The following TRAF3 variants were observed in gnomAD, a reference collection of about 807,000 sequenced individuals.
The protein encoded by TRAF3 is TNF receptor-associated factor 3.
In TRAF3, 13 loss-of-function variants were observed where a neutral mutation model predicts 62.3. The ratio of observed to expected loss-of-function variants is 0.21; its 90% CI spans 0.14 to 0.33. TRAF3 has a LOEUF of 0.33. TRAF3 is among the 10% of genes least tolerant of loss of function. The probability of loss-of-function intolerance (pLI) is 1.00; values close to 1 mark genes in which losing one functional copy is unlikely to be tolerated. For synonymous variants in TRAF3, 269 were observed against 283.4 expected (o/e 0.95, Z 0.51); for missense variants, 440 against 741.8 (o/e 0.59, Z 4.73).
intron 1 of TRAF3, among the ~76,000 whole-genome samples, chr14:102,794,644 G>T (rs1022405023): frequency 6.6e-6 from 1 of 152,128 alleles, no homozygotes; most frequent in African/African-American, 2.4e-5. Context: ...TCCTTGATCT[G>T]GTATACGCAT....
intron 9 of TRAF3, among the ~76,000 whole-genome samples, chr14:102,896,881 T>G (rs1221755770): frequency 6.6e-6 from 1 of 152,120 alleles, no homozygotes; most frequent in African/African-American, 2.4e-5. Context: ...CTGGGCAACA[T>G]AGCAAGACCC....
In TRAF3 at chr14:102,905,797, G is replaced by A. The variant is rs556439821; in HGVS notation, c.*13G>A. The A allele has an allele frequency of 2.6e-4, 421 of 1,611,178 alleles. 4 individuals carry two copies. In the South Asian group the frequency reaches 4.5e-3, roughly 17 times the overall value. ...GCCCGATCCCTGATAAGTAGCTGGG[G>A]AGGTGGATTTAGCAGAAGGCAACTC... On this transcript the variant is annotated 3_prime_UTR_variant, in exon 12 of 12. Transcript: ENST00000392745.
At chr14:102,779,595 A>G (rs1313086831) in intron 1 of TRAF3, among the ~76,000 whole-genome samples, 1 of 152,150 alleles carries the variant, frequency 6.6e-6, no homozygotes, top group Non-Finnish European at 1.5e-5. Flanking sequence ...TCACTGTGCA[A>G]CTCAAGAAGG....
chr14:102,837,150 T>TGG lies in TRAF3; in HGVS notation c.-18+6686_-18+6687dup, dbSNP rs35123618. On this transcript the variant is annotated intron_variant, in intron 2 of 11. Coordinates refer to ENST00000392745, the MANE Select transcript of TRAF3 (RefSeq NM_145725.3). ...TGTGTGTGTGTGTGTGTGTTTTTTTTGGGGGGGGGTGAAGGTCTTGCTCTG... is the reference window on the plus strand; with the variant it reads ...TGTGTGTGTGTGTGTGTGTTTTTTTTGGGGGGGGGGGTGAAGGTCTTGCTCTG... 3.0e-3 allele frequency among the ~76,000 whole-genome samples: 434 copies of TGG among 142,940 alleles called. 2 individuals carry two copies. Among genetic ancestry groups the TGG allele is most frequent in the Admixed American group, 5.3e-3 (75 of 14,260 alleles). 93.8% of individuals were successfully genotyped at this position (142,940 alleles called of 152,430 possible).
intron 9 of TRAF3, among the ~76,000 whole-genome samples, chr14:102,894,803 G>A (rs1889914520): frequency 6.6e-6 from 1 of 152,162 alleles, no homozygotes; most frequent in African/African-American, 2.4e-5. Flanking sequence ...CTGGGCTCAA[G>A]TGATCCCATC....
intron 3 of TRAF3, among the ~76,000 whole-genome samples, chr14:102,871,559 G>T (rs1888344464): frequency 6.6e-6 from 1 of 151,630 alleles, no homozygotes; most frequent in Non-Finnish European, 1.5e-5. Flanking sequence ...TACAACGCAG[G>T]AGCAAGGCTC....
At chr14:102,852,004 A>G (rs1396531111) in intron 2 of TRAF3, among the ~76,000 whole-genome samples, 1 of 151,064 alleles carries the variant, frequency 6.6e-6, no homozygotes. Flanking sequence ...GCCGTGAGCC[A>G]TGTTTGCACC....
intron 1 of TRAF3, among the ~76,000 whole-genome samples, chr14:102,786,343 GATAAATTTTATGTGTAATTTACCATA>G (rs1897501942): frequency 6.6e-6 from 1 of 152,162 alleles, no homozygotes; most frequent in Non-Finnish European, 1.5e-5. Context: ...TGATTACAAT[GATAAATTTTATGTGTAATTTACCATA>G]ATAAAAAAGT....
intron 10 of TRAF3, among the ~76,000 whole-genome samples, chr14:102,897,911 G>A (rs560846082): frequency 7.9e-5 from 12 of 152,336 alleles, no homozygotes; most frequent in East Asian, 3.9e-4. Context: ...GAATAGAGGC[G>A]ATGATGTAAA....
intron 2 of TRAF3, among the ~76,000 whole-genome samples, chr14:102,850,349 G>T (rs1232893165): frequency 6.6e-6 from 1 of 152,106 alleles, no homozygotes; most frequent in Non-Finnish European, 1.5e-5. Context: ...TAAGACTGTA[G>T]CAAACAGTAA....
In TRAF3 at chr14:102,876,664, C is replaced by T. The variant is rs909677958; in HGVS notation, c.570+139C>T. On this transcript the variant is annotated intron_variant, in intron 6 of 11. Coordinates refer to ENST00000392745, the MANE Select transcript of TRAF3 (RefSeq NM_145725.3). ...GATAATCCGTTCCACAGGCCTTCCA[C>T]TCAGTTCATAGATATTCCGTTCCAC... 6 of 1,185,354 alleles carry T rather than the reference C, an allele frequency of 5.1e-6. No homozygotes were observed. The South Asian group carries it at 5.3e-5, about 10-fold the overall frequency. 73.4% of individuals were successfully genotyped at this position (1,185,354 alleles called of 1,614,324 possible).
In TRAF3 at chr14:102,907,792, C is replaced by T. The variant is rs1329471403; in HGVS notation, c.*2008C>T. The T allele has an allele frequency of 1.3e-5, 2 of 152,418 alleles. No homozygotes were observed. The highest frequency in any genetic ancestry group is 4.8e-5 in the African/African-American group (2 of 41,472). The allele number at this position is 152,418 out of a possible 1,614,324, so 9.4% of individuals were successfully genotyped here. On this transcript the variant is annotated 3_prime_UTR_variant, in exon 12 of 12. Coordinates refer to ENST00000392745, the MANE Select transcript of TRAF3 (RefSeq NM_145725.3). ...GGGGCCCGCCGCGCCCTTTCGCGGTCGAAGCGTTCCGTTGTTCTTATCTGC... is the reference window on the plus strand; with the variant it reads ...GGGGCCCGCCGCGCCCTTTCGCGGTTGAAGCGTTCCGTTGTTCTTATCTGC...
At chr14:102,882,404 C>T (rs991765792) in intron 6 of TRAF3, among the ~76,000 whole-genome samples, 2 of 152,064 alleles carry the variant, frequency 1.3e-5, no homozygotes, top group Non-Finnish European at 1.5e-5. Flanking sequence ...TCAGCAAGCA[C>T]GCGTGTTTGG....
At chr14:102,795,488 A>G (rs1026738850) in intron 1 of TRAF3, among the ~76,000 whole-genome samples, 6 of 152,170 alleles carry the variant, frequency 3.9e-5, no homozygotes, top group Non-Finnish European at 8.8e-5. Context: ...AGTCTTTCCT[A>G]GACACCTGAA....
At chr14:102,860,459 T>A (rs1164039038) in intron 2 of TRAF3, among the ~76,000 whole-genome samples, 1 of 152,302 alleles carries the variant, frequency 6.6e-6, no homozygotes, top group Non-Finnish European at 1.5e-5. Flanking sequence ...AGCTTGAATA[T>A]CGACTTTTAA....
chr14:102,832,576 A>G (rs943323512), intron 2 of TRAF3, among the ~76,000 whole-genome samples: 4 of 152,196 alleles, frequency 2.6e-5, no homozygotes, highest in Non-Finnish European at 5.9e-5. Context: ...TGGGAGGCTG[A>G]GGCAGAATTG....
At chr14:102,855,270 T>C (rs1194058383) in intron 2 of TRAF3, among the ~76,000 whole-genome samples, 1 of 152,236 alleles carries the variant, frequency 6.6e-6, no homozygotes, top group Non-Finnish European at 1.5e-5. Flanking sequence ...TTGGTTGTTG[T>C]GAAGAGTACT....
At chr14:102,878,663 G>C (rs1435400948) in intron 6 of TRAF3, among the ~76,000 whole-genome samples, 1 of 152,208 alleles carries the variant, frequency 6.6e-6, no homozygotes, top group Admixed American at 6.5e-5. Flanking sequence ...TGGCATCAAG[G>C]GAAGAGAGGT....
At chr14:102,792,614 A>G (rs147702742) in intron 1 of TRAF3, among the ~76,000 whole-genome samples, 25 of 151,186 alleles carry the variant, frequency 1.7e-4, no homozygotes, top group Non-Finnish European at 2.7e-4. Context: ...AGTTTTGTCA[A>G]ATGCTTTTTG....
Sources: gnomAD v4.1 joint callset for allele counts (sites outside exome capture counted in the v4.1 genomes callset) on GRCh38, gnomAD v4.1.1 for gene constraint, MANE v1.5 for transcripts, NCBI Gene and HGNC (gene_info 2026-07-23, HGNC 2026-07-21) for gene names.